Variants in CFAP69 observed in about 807,000 individuals in gnomAD.
CFAP69 encodes the protein cilia and flagella associated protein 69, also known as cilia- and flagella-associated protein 69.
In CFAP69, 92 loss-of-function variants were observed where a neutral mutation model predicts 123.0. The observed-to-expected ratio is 0.75, with a 90% CI of 0.63 to 0.89. CFAP69 has a LOEUF of 0.89. Ranked by LOEUF, CFAP69 falls within the 40% of genes least tolerant of loss-of-function variation. CFAP69 has a pLI of 0.00. For synonymous variants in CFAP69, 380 were observed against 364.3 expected (o/e 1.04, Z -0.49); for missense variants, 1,067 against 1,096.9 (o/e 0.97, Z 0.39).
At chr7:90,248,148 T>G (rs1380909202) in intron 1 of CFAP69, among the ~76,000 whole-genome samples, 4 of 152,204 alleles carry the variant, frequency 2.6e-5, no homozygotes, top group Non-Finnish European at 5.9e-5. Context: ...ACTTTATCCC[T>G]TCAGAGATGT....
At chr7:90,261,360 A>G (rs17863054) in intron 3 of CFAP69, among the ~76,000 whole-genome samples, 1 of 150,896 alleles carries the variant, frequency 6.6e-6, no homozygotes, top group Non-Finnish European at 1.5e-5. Flanking sequence ...GGCGTGAGCC[A>G]GCAGGATTTT....
chr7:90,306,423 T>G (rs926471252), intron 19 of CFAP69, among the ~76,000 whole-genome samples: 2 of 152,176 alleles, frequency 1.3e-5, no homozygotes, highest in Admixed American at 6.5e-5. Context: ...ATAATTTGCC[T>G]TAGCTAGAAA....
intron 15 of CFAP69, among the ~76,000 whole-genome samples, chr7:90,291,897 C>T (rs1791252420): frequency 6.6e-6 from 1 of 151,990 alleles, no homozygotes; most frequent in Admixed American, 6.6e-5. Context: ...ATTACCTAGC[C>T]CTCTTGTTTC....
intron 6 of CFAP69, among the ~76,000 whole-genome samples, chr7:90,269,096 A>AG (rs1475373583): frequency 6.6e-6 from 1 of 151,848 alleles, no homozygotes; most frequent in Non-Finnish European, 1.5e-5. Flanking sequence ...TTAAAAAAAA[A>AG]AAAGAAATTC....
intron 6 of CFAP69, among the ~76,000 whole-genome samples, chr7:90,270,915 A>T (rs1441992998): frequency 1.3e-5 from 2 of 152,130 alleles, no homozygotes; most frequent in Non-Finnish European, 2.9e-5. Context: ...CTAAAATACT[A>T]TTAAATTCAC....
intron 22 of CFAP69, 151 bp from the exon 23 acceptor site, chr7:90,309,917 G>A (rs879103006): frequency 3.6e-6 from 2 of 555,830 alleles, no homozygotes; most frequent in South Asian, 3.3e-5. Context: ...TCCTGGCTCC[G>A]ATGCCCTTAT....
chr7:90,262,446 T>C (rs17863968), intron 4 of CFAP69, among the ~76,000 whole-genome samples: 26,730 of 152,112 alleles, frequency 0.18, 2,485 homozygotes, highest in Middle Eastern at 0.21. Context: ...TATTAGGTTA[T>C]ATATGTCATG....
intron 22 of CFAP69, among the ~76,000 whole-genome samples, chr7:90,309,652 A>T (rs1051985955): frequency 6.6e-6 from 1 of 152,090 alleles, no homozygotes; most frequent in Non-Finnish European, 1.5e-5. Context: ...TCATTAAGGC[A>T]TATTTATCTC....
At chr7:90,285,761 C>T (rs1790180844) in intron 13 of CFAP69, among the ~76,000 whole-genome samples, 1 of 152,140 alleles carries the variant, frequency 6.6e-6, no homozygotes, top group Admixed American at 6.6e-5. Flanking sequence ...CATTTCCTAC[C>T]TCATGAAACT....
intron 4 of CFAP69, among the ~76,000 whole-genome samples, chr7:90,264,101 AAAAATATATATAT>A (rs1487595297): frequency 3.1e-5 from 1 of 31,872 alleles, no homozygotes; most frequent in Non-Finnish European, 7.7e-5. Flanking sequence ...GAAAAAAAAA[AAAAATATATATAT>A]ATATATATAT....
intron 6 of CFAP69, 75 bp from the exon 7 acceptor site, chr7:90,271,451 T>A: frequency 6.9e-7 from 1 of 1,440,894 alleles, no homozygotes; most frequent in Non-Finnish European, 9.4e-7. Flanking sequence ...TGCTTAATAA[T>A]AAATTACTCA....
intron 1 of CFAP69, among the ~76,000 whole-genome samples, chr7:90,248,122 A>G (rs954486219): frequency 6.6e-6 from 1 of 152,206 alleles, no homozygotes; most frequent in Non-Finnish European, 1.5e-5. Flanking sequence ...GCTTTAATGC[A>G]GATTTCGGTC....
chr7:90,250,680 T>C (rs1403475872), intron 1 of CFAP69, among the ~76,000 whole-genome samples: 1 of 152,208 alleles, frequency 6.6e-6, no homozygotes, highest in Non-Finnish European at 1.5e-5. Flanking sequence ...TATTTTGGTA[T>C]TTACATATGT....
rs757046673 is a variant in CFAP69 at position 90,245,535 on chromosome 7, T to C, written c.111T>C (p.Asp37=). The change falls in exon 1 of 23, where the codon GAT becomes GAC. Residue 37 remains aspartate (D), a synonymous_variant. Coordinates refer to ENST00000389297, the MANE Select transcript of CFAP69 (RefSeq NM_001039706.3). ...TGGTTGGGGTGGTGACGGAGGACGATGAGGCGCAGGTATGAGCAGGTGTCT... is the reference window on the plus strand; with the variant it reads ...TGGTTGGGGTGGTGACGGAGGACGACGAGGCGCAGGTATGAGCAGGTGTCT... The part of the protein sequence containing the change: ...IPVVGVVTED[D]EAQDVFKPMD... 4.0e-6 allele frequency: 6 copies of C among 1,504,604 alleles called. No individual in the cohort carries two copies. The East Asian group carries it at 1.6e-4, about 40-fold the overall frequency. The allele number at this position is 1,504,604 out of a possible 1,614,324, so 93.2% of individuals were successfully genotyped here.
At chr7:90,282,799 A>T in intron 12 of CFAP69, 93 bp from the exon 13 acceptor site, 2 of 1,051,314 alleles carry the variant, frequency 1.9e-6, no homozygotes, top group Non-Finnish European at 2.5e-6. Flanking sequence ...AAATTTTAAC[A>T]TTTGTTTAAA....
At chr7:90,315,826 C>G (rs189949960), downstream of CFAP69, among the ~76,000 whole-genome samples, 303 of 152,318 alleles carry the variant, frequency 2.0e-3, no homozygotes, top group African/African-American at 6.9e-3. Context: ...GGCTTGGTGG[C>G]TTACGCCTGT....
chr7:90,289,735 A>G (rs1790841781), intron 15 of CFAP69, among the ~76,000 whole-genome samples: 2 of 152,146 alleles, frequency 1.3e-5, no homozygotes, highest in Admixed American at 6.5e-5. Context: ...TGTTTCTTCT[A>G]GAAGCTTTAT....
rs1326819336 is a variant in CFAP69, at chr7:90,300,031, A to G, written c.2022A>G (p.Val674=). ...LWRKEEKELG[V]KRDKNGKIID... ...GAAAGGAGGAAAAAGAACTAGGAGT[A>G]AAACGTGATAAAAATGGGAAGATCA... The change falls in exon 17 of 23, where the codon GTA becomes GTG. Residue 674 remains valine (V), a synonymous_variant. Coordinates refer to ENST00000389297, the MANE Select transcript of CFAP69 (RefSeq NM_001039706.3). 6.3e-7 allele frequency: 1 copy of G among 1,597,224 alleles called. No individual in the cohort carries two copies. Among genetic ancestry groups the G allele is most frequent in the South Asian group, 1.1e-5 (1 of 87,608 alleles).
chr7:90,277,441 C>A, intron 11 of CFAP69, 107 bp downstream of exon 11: 2 of 970,540 alleles, frequency 2.1e-6, no homozygotes, highest in Non-Finnish European at 2.8e-6. Context: ...ATATTTACCA[C>A]AGAAAGCAGT....
Sources: allele counts gnomAD v4.1 joint callset (sites outside exome capture counted in the v4.1 genomes callset), GRCh38; gene constraint gnomAD v4.1.1; transcripts MANE v1.5; gene names NCBI Gene and HGNC (gene_info 2026-07-23, HGNC 2026-07-21).